DLGAP1: variants seen among roughly 807,000 people sequenced by gnomAD.
DLGAP1 encodes disks large-associated protein 1.
In DLGAP1, 11 loss-of-function variants were observed where a neutral mutation model predicts 90.8. That is an observed-to-expected ratio of 0.12 (90% CI 0.08 to 0.20). The LOEUF (loss-of-function observed/expected upper bound fraction) is 0.20, where lower values mean the gene tolerates loss of function less well. Among genes scored for constraint, DLGAP1 ranks in the 10% least tolerant of loss-of-function variants. DLGAP1 has a pLI of 1.00. For missense variants in DLGAP1, 1,050 were observed against 1,333.8 expected (o/e 0.79, Z 3.31); for synonymous variants, 558 against 540.7 (o/e 1.03, Z -0.44).
intron 2 of DLGAP1, among the ~76,000 whole-genome samples, chr18:4,040,045 G>A (rs1365274362): frequency 2.6e-5 from 4 of 152,078 alleles, no homozygotes; most frequent in Non-Finnish European, 2.9e-5. Context: ...CCCAATTTGG[G>A]CAAAACAGTA....
At chr18:4,037,365 A>G (rs1193741672) in intron 2 of DLGAP1, among the ~76,000 whole-genome samples, 1 of 152,150 alleles carries the variant, frequency 6.6e-6, no homozygotes, top group Non-Finnish European at 1.5e-5. Context: ...TTTTCAATTC[A>G]TGCACATAAC....
chr18:4,119,071 A>G (rs7243094), intron 2 of DLGAP1, among the ~76,000 whole-genome samples: 57,101 of 151,822 alleles, frequency 0.38, 11,358 homozygotes, highest in African/African-American at 0.5. Context: ...TGTTTTATAT[A>G]CTAATACCCT....
intron 1 of DLGAP1, among the ~76,000 whole-genome samples, chr18:4,195,719 T>C (rs1368532636): frequency 6.6e-6 from 1 of 152,036 alleles, no homozygotes; most frequent in Non-Finnish European, 1.5e-5. Flanking sequence ...ACCTGGCTAA[T>C]TTTTTGTATT....
chr18:3,625,681 T>C (rs1363119930), intron 7 of DLGAP1, among the ~76,000 whole-genome samples: 4 of 152,126 alleles, frequency 2.6e-5, no homozygotes, highest in Non-Finnish European at 5.9e-5. Flanking sequence ...ATTAGGCTTA[T>C]TTTTCTTAGA....
intron 3 of DLGAP1, among the ~76,000 whole-genome samples, chr18:4,004,074 G>C (rs2074251940): frequency 6.6e-6 from 1 of 152,176 alleles, no homozygotes; most frequent in Admixed American, 6.5e-5. Context: ...ACAAATAATT[G>C]TTATAGATGG....
rs527463293 is a variant in DLGAP1, at chr18:4,286,906, T to C, written c.-266-135619A>G. ...GAAAGAGAGGACTTTTTAACGATAATTGGGGGAGTGAACCACATGGATATT... is the reference window on the plus strand; with the variant it reads ...GAAAGAGAGGACTTTTTAACGATAACTGGGGGAGTGAACCACATGGATATT... On this transcript the variant is annotated intron_variant, in intron 1 of 12. Coordinates refer to ENST00000315677, the MANE Select transcript of DLGAP1 (RefSeq NM_004746.4). 6.9e-4 allele frequency among the ~76,000 whole-genome samples: 105 copies of C among 152,176 alleles called. 1 individual carries two copies. Among genetic ancestry groups the C allele is most frequent in the African/African-American group, 2.4e-3 (98 of 41,518 alleles).
At chr18:3,582,288 T>G in intron 7 of DLGAP1, 40 bp from the exon 8 acceptor site, 1 of 1,579,324 alleles carries the variant, frequency 6.3e-7, no homozygotes, top group Non-Finnish European at 8.6e-7. Flanking sequence ...GATTTCTGCG[T>G]GGGTTTTAAT....
At chr18:4,068,736 C>G (rs751487741) in intron 2 of DLGAP1, among the ~76,000 whole-genome samples, 6 of 152,188 alleles carry the variant, frequency 3.9e-5, no homozygotes, top group Non-Finnish European at 7.3e-5. Context: ...GGTTCTTGCT[C>G]TGTACTGCCA....
rs34813920 is a variant in DLGAP1 at position 3,769,848 on chromosome 18, TG to T, written c.1173-27337del. Among the ~76,000 whole-genome samples, 39 of 150,678 alleles carry T rather than the reference TG, an allele frequency of 2.6e-4. 1 individual carries two copies. The highest frequency in any genetic ancestry group is 7.6e-4 in the African/African-American group (31 of 40,850). ...TTTTTTGAAATGTTACCACGGTGGG[TG>T]GGGGGGGAAAACTGGGTATAAGGTG... On this transcript the variant is annotated intron_variant, in intron 5 of 12. Coordinates refer to ENST00000315677, the MANE Select transcript of DLGAP1 (RefSeq NM_004746.4).
chr18:4,347,979 A>G (rs1269853632), intron 1 of DLGAP1, among the ~76,000 whole-genome samples: 1 of 152,132 alleles, frequency 6.6e-6, no homozygotes, highest in Non-Finnish European at 1.5e-5. Flanking sequence ...TATGAAATTA[A>G]TATTCATAAA....
intron 2 of DLGAP1, among the ~76,000 whole-genome samples, chr18:4,043,786 T>C (rs966815486): frequency 2.0e-5 from 3 of 152,124 alleles, no homozygotes; most frequent in African/African-American, 4.8e-5. Flanking sequence ...CAAGGATACA[T>C]TGGAGCAACG....
At chr18:4,390,838 G>C (rs1273269835) in intron 1 of DLGAP1, among the ~76,000 whole-genome samples, 1 of 152,140 alleles carries the variant, frequency 6.6e-6, no homozygotes, top group Non-Finnish European at 1.5e-5. Context: ...CCTGGGCAAA[G>C]CTTTGAGATC....
At chr18:4,033,175 T>C (rs1298026322) in intron 2 of DLGAP1, among the ~76,000 whole-genome samples, 2 of 152,024 alleles carry the variant, frequency 1.3e-5, no homozygotes, top group Non-Finnish European at 2.9e-5. Flanking sequence ...ATTAATTTCA[T>C]TCATTATTTT....
intron 1 of DLGAP1, among the ~76,000 whole-genome samples, chr18:4,332,604 A>G (rs1269868770): frequency 1.3e-5 from 2 of 151,976 alleles, no homozygotes; most frequent in African/African-American, 4.9e-5. Flanking sequence ...TGTGGACTTA[A>G]AACTAGAGGC....
At chr18:4,320,425 G>T (rs1294826681) in intron 1 of DLGAP1, among the ~76,000 whole-genome samples, 28 of 151,836 alleles carry the variant, frequency 1.8e-4, no homozygotes, top group Non-Finnish European at 2.6e-4. Flanking sequence ...TTCTGTCATT[G>T]TCTCATGAGT....
chr18:3,814,318 C>CCTTTTTCTTTT (rs771813022), intron 4 of DLGAP1, 45 bp from the exon 5 acceptor site: 1 of 1,512,008 alleles, frequency 6.6e-7, no homozygotes, highest in Non-Finnish European at 9.0e-7. Context: ...TAAAAGCCTA[C>CCTTTTTCTTTT]CTTTTTCTTT....
chr18:4,253,708 C>A (rs960823339), intron 1 of DLGAP1, among the ~76,000 whole-genome samples: 2 of 152,162 alleles, frequency 1.3e-5, no homozygotes, highest in African/African-American at 4.8e-5. Context: ...CTGTGCCTGG[C>A]AGAACTATTA....
At chr18:3,772,372 CTTTCTTTCTTTCTT>C (rs1368336914) in intron 5 of DLGAP1, among the ~76,000 whole-genome samples, 1,645 of 18,070 alleles carry the variant, frequency 0.091, 157 homozygotes, top group Non-Finnish European at 0.19. Flanking sequence ...TTCTTTCTTT[CTTTCTTTCTTTCTT>C]TCTTTCTTTC....
chr18:3,947,294 A>G (rs2072895763), intron 3 of DLGAP1, among the ~76,000 whole-genome samples: 1 of 152,158 alleles, frequency 6.6e-6, no homozygotes, highest in Non-Finnish European at 1.5e-5. Context: ...TTATCTCTTT[A>G]GTTACCTTAA....
Sources: gnomAD v4.1 joint callset for allele counts (sites outside exome capture counted in the v4.1 genomes callset) on GRCh38, gnomAD v4.1.1 for gene constraint, MANE v1.5 for transcripts, NCBI Gene and HGNC (gene_info 2026-07-23, HGNC 2026-07-21) for gene names.